GALNT3: variants seen among roughly 807,000 people sequenced by gnomAD.
GALNT3 encodes polypeptide N-acetylgalactosaminyltransferase 3.
Under a neutral mutation model 69.8 loss-of-function variants are expected in GALNT3, and 51 were observed. The ratio of observed to expected loss-of-function variants is 0.73; its 90% CI spans 0.58 to 0.92. The LOEUF is 0.92. Among genes scored for constraint, GALNT3 ranks in the 40% least tolerant of loss-of-function variants. The probability of loss-of-function intolerance (pLI) is 0.00; values close to 1 mark genes in which losing one functional copy is unlikely to be tolerated. For synonymous variants in GALNT3, 265 were observed against 248.5 expected, an observed-to-expected ratio of 1.07 and a Z score of -0.63; for missense variants, 711 against 760.0, an observed-to-expected ratio of 0.94 and a Z score of 0.76.
chr2:165,786,492 T>C (rs1683223535), intron 1 of GALNT3, among the ~76,000 whole-genome samples: 1 of 152,226 alleles, frequency 6.6e-6, no homozygotes, highest in Non-Finnish European at 1.5e-5. Flanking sequence ...ATGCAGTACT[T>C]GGATTTAACC....
At chr2:165,776,261 A>C (rs1027986248) in intron 1 of GALNT3, among the ~76,000 whole-genome samples, 1 of 152,130 alleles carries the variant, frequency 6.6e-6, no homozygotes, top group African/African-American at 2.4e-5. Context: ...CTACGTAAAA[A>C]CAGCTCGTGA....
intron 1 of GALNT3, among the ~76,000 whole-genome samples, chr2:165,786,066 GCAAA>G (rs147276788): frequency 0.26 from 39,963 of 151,944 alleles, 6,380 homozygotes; most frequent in Non-Finnish European, 0.35. Flanking sequence ...ATACTAAAAT[GCAAA>G]CAAACAATGT....
intron 1 of GALNT3, among the ~76,000 whole-genome samples, chr2:165,785,497 C>T (rs1683201858): frequency 6.6e-6 from 1 of 152,092 alleles, no homozygotes. Context: ...GAACTTCAAA[C>T]AACTGGAGTT....
chr2:165,750,824 T>C (rs892952375), intron 9 of GALNT3, among the ~76,000 whole-genome samples: 1 of 152,168 alleles, frequency 6.6e-6, no homozygotes, highest in Non-Finnish European at 1.5e-5. Context: ...TCAGAACATA[T>C]GTATCTATAA....
chr2:165,781,852 GAAGCCATATTGTTGGCT>G, intron 1 of GALNT3, among the ~76,000 whole-genome samples: 1 of 152,128 alleles, frequency 6.6e-6, no homozygotes, highest in Non-Finnish European at 1.5e-5. Context: ...GCAAGACTGT[GAAGCCATATTGTTGGCT>G]CTGCTAGATA....
In GALNT3 at chr2:165,757,217, T is replaced by G. The variant is rs1308593739; in HGVS notation, c.1222A>C (p.Met408Leu). Residue 408 changes from methionine to leucine, a missense_variant, in exon 7 of 11, where the codon ATG becomes CTG. By Grantham distance (15) the Met-to-Leu change is conservative. Transcript: ENST00000392701. ...VWQCGGQLEI[M>L]PCSVVGHVFR... is the part of the protein sequence containing the mutation. ...ACATGTCCAACAACAGAGCAAGGCA[T>G]AATCTCCAACTGCCCACCACATTGC... 1 of 1,613,954 alleles carries G rather than the reference T, an allele frequency of 6.2e-7. No individual in the cohort carries two copies.
At chr2:165,755,567 G>C (rs947313516) in intron 7 of GALNT3, among the ~76,000 whole-genome samples, 4 of 152,178 alleles carry the variant, frequency 2.6e-5, no homozygotes, top group African/African-American at 9.7e-5. Context: ...GTTTCAGGAT[G>C]TTGCTTGTTC....
intron 5 of GALNT3, 21 bp downstream of exon 5, chr2:165,759,315 C>T: frequency 6.3e-7 from 1 of 1,579,224 alleles, no homozygotes; most frequent in Non-Finnish European, 8.7e-7. Context: ...AAATATAAGA[C>T]TCTGAGAGCA....
chr2:165,786,889 T>C (rs562823290), intron 1 of GALNT3, among the ~76,000 whole-genome samples: 1 of 152,324 alleles, frequency 6.6e-6, no homozygotes, highest in African/African-American at 2.4e-5. Context: ...TTGCTTAAAA[T>C]ATGCCTGCCA....
intron 1 of GALNT3, among the ~76,000 whole-genome samples, chr2:165,776,287 T>C (rs966589032): frequency 4.6e-5 from 7 of 152,102 alleles, no homozygotes; most frequent in African/African-American, 1.7e-4. Context: ...AACAAATCTC[T>C]CCTACAGTCA....
At chr2:165,768,984 G>A (rs891499675) in intron 2 of GALNT3, among the ~76,000 whole-genome samples, 3 of 150,530 alleles carry the variant, frequency 2.0e-5, no homozygotes, top group Middle Eastern at 3.4e-3. Context: ...TAATAGAGAC[G>A]GGGTTTCACC....
chr2:165,759,592 T>C (rs767432387), intron 4 of GALNT3, 22 bp from the exon 5 acceptor site: 1 of 1,567,250 alleles, frequency 6.4e-7, no homozygotes, highest in South Asian at 1.1e-5. Flanking sequence ...AGAATTTTAA[T>C]TAATTCAATA....
intron 1 of GALNT3, among the ~76,000 whole-genome samples, chr2:165,773,212 A>G (rs151311758): frequency 2.1e-3 from 319 of 152,288 alleles, no homozygotes; most frequent in Non-Finnish European, 3.6e-3. Context: ...GAGATAATGA[A>G]TCATGGGGGT....
At position 165,759,496 on chromosome 2, in the gene GALNT3, C is replaced by T; in HGVS notation, c.913G>A (p.Asp305Asn). ...AENYTAVVSPDIASIDLNTFE... is the reference protein window; with the variant it reads ...AENYTAVVSPNIASIDLNTFE... ...GTGTTCAGATCTATGGATGCAATAT[C>T]TGGACTTACGACAGCCGTGTAGTTC... The change falls in exon 5 of 11, where the codon GAT becomes AAT. Residue 305 changes from aspartate to asparagine, a missense_variant. Coordinates refer to ENST00000392701, the MANE Select transcript of GALNT3 (RefSeq NM_004482.4). 1 of 1,614,042 alleles carries T rather than the reference C, an allele frequency of 6.2e-7. No homozygotes were observed. The highest frequency in any genetic ancestry group is 8.5e-7 in the Non-Finnish European group (1 of 1,180,004).
intron 2 of GALNT3, among the ~76,000 whole-genome samples, chr2:165,769,437 T>TAATAATAATAATAATAATA (rs372741283): frequency 8.5e-6 from 1 of 118,010 alleles, no homozygotes; most frequent in Non-Finnish European, 1.9e-5. Flanking sequence ...ATAATAATAA[T>TAATAATAATAATAATAATA]AATAAATAAA....
chr2:165,761,235 G>A (rs773005297), intron 4 of GALNT3, among the ~76,000 whole-genome samples: 6 of 151,980 alleles, frequency 3.9e-5, no homozygotes, highest in South Asian at 2.1e-4. Context: ...ATTTTGAAAC[G>A]GAGTGTCACT....
In GALNT3 at chr2:165,758,879, A is replaced by T. The variant is rs1429340277; in HGVS notation, c.1074-15T>A. Reference sequence around the variant, plus strand: ...AAGTGGGTGTTCTGAAAAATAATCCATTGTCAAATTTTGTTATAAAAACTA... The same window carrying T: ...AAGTGGGTGTTCTGAAAAATAATCCTTTGTCAAATTTTGTTATAAAAACTA... On this transcript the variant is annotated splice_polypyrimidine_tract_variant and intron_variant, in intron 5 of 10. Transcript: ENST00000392701. 1 of 1,467,488 alleles carries T rather than the reference A, an allele frequency of 6.8e-7. No individual in the cohort carries two copies. 90.9% of individuals were successfully genotyped at this position (1,467,488 alleles called of 1,614,324 possible).
At chr2:165,774,918 T>C (rs1243076676) in intron 1 of GALNT3, among the ~76,000 whole-genome samples, 1 of 142,478 alleles carries the variant, frequency 7.0e-6, no homozygotes, top group Non-Finnish European at 1.5e-5. Context: ...TCTTTTTTTT[T>C]TTTTTTTTTT....
chr2:165,789,290 G>C (rs1683293949), intron 1 of GALNT3, among the ~76,000 whole-genome samples: 2 of 152,192 alleles, frequency 1.3e-5, no homozygotes, highest in Admixed American at 1.3e-4. Context: ...CATGGAGGAA[G>C]GGCAAAAGGC....
Sources: gnomAD v4.1 joint callset for allele counts (sites outside exome capture counted in the v4.1 genomes callset) on GRCh38, gnomAD v4.1.1 for gene constraint, MANE v1.5 for transcripts, NCBI Gene and HGNC (gene_info 2026-07-23, HGNC 2026-07-21) for gene names.